Variants in HCN2 observed in about 807,000 individuals in gnomAD.
The protein encoded by HCN2 is potassium/sodium hyperpolarization-activated cyclic nucleotide-gated channel 2.
A neutral mutation model predicts 52.3 loss-of-function variants in HCN2; 20 were observed. That is an observed-to-expected ratio of 0.38 (90% CI 0.27 to 0.56). The LOEUF is 0.56. Ranked by LOEUF, HCN2 falls within the 20% of genes least tolerant of loss-of-function variation. The pLI, the probability that HCN2 is intolerant of heterozygous loss-of-function variation, is 0.71. For missense variants in HCN2, 981 were observed against 1,207.7 expected (o/e 0.81, Z 2.78); for synonymous variants, 694 against 537.0 (o/e 1.29, Z -4.04).
chr19:615,790 C>A lies in HCN2; in HGVS notation c.1991-5C>A, dbSNP rs377176350. 100 of 1,610,952 alleles carry A rather than the reference C, an allele frequency of 6.2e-5. No homozygotes were observed. The highest frequency in any genetic ancestry group is 7.7e-5 in the Non-Finnish European group (91 of 1,179,432). On this transcript the variant is annotated splice_polypyrimidine_tract_variant and splice_region_variant and intron_variant, in intron 7 of 7. Transcript: ENST00000251287. ...GTGCACACGCTAACGCCCCCTCTCC[C>A]GCAGGCAAGAAGAATTCCATCCTCC...
intron 5 of HCN2, among the ~76,000 whole-genome samples, chr19:612,022 G>A (rs1983657734): frequency 6.6e-6 from 1 of 152,088 alleles, no homozygotes; most frequent in Non-Finnish European, 1.5e-5. Flanking sequence ...GTGGGCGCCT[G>A]TAATCCCAGC....
rs114000885 is a variant in HCN2 at position 596,179 on chromosome 19, C to G, written c.632+5602C>G. Among the ~76,000 whole-genome samples the G allele has an allele frequency of 6.2e-3, 940 of 152,352 alleles. 13 individuals are homozygous for G. The highest frequency in any genetic ancestry group is 0.021 in the African/African-American group (884 of 41,578). On this transcript the variant is annotated intron_variant, in intron 1 of 7. Coordinates refer to ENST00000251287, the MANE Select transcript of HCN2 (RefSeq NM_001194.4). ...GGCTTTGGGAACTTCAGGGGAAGAA[C>G]CCTGAGCTCGGGGCAGGAGAATGAC...
chr19:603,639 C>G lies in HCN2; in HGVS notation c.728C>G (p.Pro243Arg). Residue 243 changes from proline (P) to arginine (R), a missense_variant, in exon 2 of 8, where the codon CCG becomes CGG. This residue lies in a region of HCN2 where 282 missense variants were observed against 553.8 expected (regional missense o/e 0.51). Transcript: ENST00000251287. Reference protein sequence around the residue: ...ITFFKDETTAPWIVFNVVSDT... With the variant: ...ITFFKDETTARWIVFNVVSDT... ...TTCTTCAAGGATGAGACCACTGCCC[C>G]GTGGATCGTGTTCAACGTGGTCTCG... 6.2e-7 allele frequency: 1 copy of G among 1,612,450 alleles called. No homozygotes were observed. The highest frequency in any genetic ancestry group is 8.5e-7 in the Non-Finnish European group (1 of 1,179,538).
intron 4 of HCN2, among the ~76,000 whole-genome samples, chr19:609,293 G>A (rs867712354): frequency 1.3e-5 from 2 of 152,202 alleles, no homozygotes; most frequent in South Asian, 4.1e-4. Flanking sequence ...TGGCACCCCC[G>A]CCCAGCACCC....
chr19:615,771 A>G, intron 7 of HCN2, 24 bp from the exon 8 acceptor site: 3 of 1,608,836 alleles, frequency 1.9e-6, no homozygotes, highest in Non-Finnish European at 2.5e-6. Flanking sequence ...CCCTGTGCAC[A>G]CGCTAACGCC....
At chr19:608,497 GC>G (rs1983499627) in intron 4 of HCN2, among the ~76,000 whole-genome samples, 2 of 152,114 alleles carry the variant, frequency 1.3e-5, no homozygotes, top group African/African-American at 4.8e-5. Context: ...GGGGTCTGTG[GC>G]TGTGATTAGG....
intron 1 of HCN2, among the ~76,000 whole-genome samples, chr19:596,656 G>A (rs958481242): frequency 2.6e-5 from 4 of 152,242 alleles, no homozygotes; most frequent in Non-Finnish European, 5.9e-5. Context: ...TGGACAAGGA[G>A]GGCACAGGGT....
chr19:605,351 T>TCCA, intron 3 of HCN2, 129 bp downstream of exon 3: 1 of 640,696 alleles, frequency 1.6e-6, no homozygotes, highest in Non-Finnish European at 2.4e-6. Context: ...AGGCGCCCCC[T>TCCA]TATGGAGGGG....
intron 7 of HCN2, among the ~76,000 whole-genome samples, chr19:615,069 T>C (rs150768642): frequency 6.6e-6 from 1 of 152,216 alleles, no homozygotes; most frequent in Non-Finnish European, 1.5e-5. Context: ...ATACAGCAGG[T>C]GCTCAGCACA....
chr19:590,450 G>T lies in HCN2; in HGVS notation c.505G>T (p.Ala169Ser), dbSNP rs1206593007. ...QASFMQRQFG[A>S]LLQPGVNKFS... ...CAGCTTCATGCAGCGCCAGTTCGGC[G>T]CGCTCCTGCAGCCGGGCGTCAACAA... is the stretch of plus-strand genomic sequence containing the variant. Residue 169 changes from alanine to serine, a missense_variant, in exon 1 of 8, where the codon GCG becomes TCG. Physicochemically the swap from Ala to Ser is moderately conservative, Grantham distance 99. Around this residue, in one of 6 missense-constraint regions of HCN2, gnomAD observed 8 missense variants for 33.2 expected, o/e 0.24. Transcript: ENST00000251287. This position sits in a 1 kb window ranked among gnomAD's most constrained non-coding sequence, Gnocchi z 7.2. 6.6e-7 allele frequency: 1 copy of T among 1,504,680 alleles called. No individual in the cohort carries two copies. The highest frequency in any genetic ancestry group is 8.9e-7 in the Non-Finnish European group (1 of 1,120,482). The allele number at this position is 1,504,680 out of a possible 1,614,324, so 93.2% of individuals were successfully genotyped here. A position where few individuals can be genotyped will look rare whatever the true frequency, so the allele number is the denominator to read the frequency against.
rs1357067884 is a variant in HCN2 at position 613,495 on chromosome 19, T to C, written c.1825+7T>C. On this transcript the variant is annotated splice_region_variant and intron_variant, in intron 6 of 7. Transcript: ENST00000251287. ...GATGGCTCCTACTTCGGGGGTGAGC[T>C]TGAGGGGGGCGCGCCTGGAGGGGGA... 1.3e-6 allele frequency: 2 copies of C among 1,516,426 alleles called. No homozygotes were observed. Among genetic ancestry groups the C allele is most frequent in the South Asian group, 1.1e-5 (1 of 88,564 alleles). The allele number at this position is 1,516,426 out of a possible 1,614,324, so 93.9% of individuals were successfully genotyped here. A position where few individuals can be genotyped will look rare whatever the true frequency, so the allele number is the denominator to read the frequency against.
intron 1 of HCN2, among the ~76,000 whole-genome samples, chr19:599,343 C>T (rs978427124): frequency 6.6e-5 from 10 of 152,208 alleles, no homozygotes; most frequent in African/African-American, 2.2e-4. Context: ...AAGGTCCCGG[C>T]GGCCACGCCA....
Position 590,043 on chromosome 19 carries a change from A to G in HCN2, c.98A>G (p.Gln33Arg). The change falls in exon 1 of 8, where the codon CAG (glutamine) becomes CGG (arginine). Residue 33 changes from glutamine (Q) to arginine (R), a missense_variant. Transcript: ENST00000251287. The surrounding 1 kb of genome is among the most constrained non-coding windows in gnomAD (Gnocchi z 7.2). ...PPPPPPAPPQ[Q>R]QPPPPPPPAP... ...CCGCCGCCGCCCGCGCCCCCCCAAC[A>G]GCAGCCGCCGCCGCCGCCGCCGCCC... is the stretch of plus-strand genomic sequence containing the variant. 1.9e-6 allele frequency: 1 copy of G among 525,778 alleles called. No homozygotes were observed. Among genetic ancestry groups the G allele is most frequent in the Non-Finnish European group, 2.3e-6 (1 of 428,338 alleles). The allele number at this position is 525,778 out of a possible 1,614,324, so 32.6% of individuals were successfully genotyped here. A position where few individuals can be genotyped will look rare whatever the true frequency, so the allele number is the denominator to read the frequency against.
At chr19:599,749 T>C (rs932500714) in intron 1 of HCN2, among the ~76,000 whole-genome samples, 17 of 151,728 alleles carry the variant, frequency 1.1e-4, no homozygotes, top group Non-Finnish European at 1.8e-4. Flanking sequence ...GATTGTGCCA[T>C]CGCACTCCAG....
Position 610,387 on chromosome 19 carries a change from C to T in HCN2, c.1566C>T (p.Leu522=), listed in dbSNP as rs1983575457. ...MFDEDSILGE[L]NGPLREEIVN... is the part of the protein sequence containing the mutation. The stretch of plus-strand genomic sequence containing the variant: ...ACGAGGACAGCATCCTGGGCGAGCT[C>T]AACGGGCCCCTGCGGGAGGTGAGGC... Residue 522 remains leucine, a synonymous_variant, in exon 5 of 8, where the codon CTC becomes CTT. Coordinates refer to ENST00000251287, the MANE Select transcript of HCN2 (RefSeq NM_001194.4). 6.2e-7 allele frequency: 1 copy of T among 1,613,332 alleles called. No individual in the cohort carries two copies. Among genetic ancestry groups the T allele is most frequent in the Non-Finnish European group, 8.5e-7 (1 of 1,179,674 alleles).
intron 5 of HCN2, 139 bp downstream of exon 5, chr19:610,544 A>AC: frequency 1.4e-6 from 1 of 708,612 alleles, no homozygotes. Flanking sequence ...ACCTGCGTAC[A>AC]CACCCTCCCC....
chr19:609,232 G>A (rs758691460), intron 4 of HCN2, among the ~76,000 whole-genome samples: 59 of 152,200 alleles, frequency 3.9e-4, no homozygotes, highest in African/African-American at 6.5e-4. Flanking sequence ...GGGCTGGGGC[G>A]GAAGTGAGGC....
rs1568368662 is a variant in HCN2 at position 613,608 on chromosome 19, CG to C, written c.1825+124del. 5.8e-5 allele frequency: 4 copies of C among 68,884 alleles called. No individual in the cohort carries two copies. In the East Asian group the frequency reaches 1.0e-3, roughly 17 times the overall value. The allele number at this position is 68,884 out of a possible 1,614,324, so 4.3% of individuals were successfully genotyped here. On this transcript the variant is annotated intron_variant, in intron 6 of 7. Transcript: ENST00000251287. ...ATGGGGATGGGGATGGGGATGGGGC[CG>C]GGGATGGGGATGGGGATGGGGATGG...
At position 589,932 on chromosome 19, in the gene HCN2, G is replaced by T; in HGVS notation, c.-14G>T. ...GCGGCGGCTCCGCTCCGCACTGCCC[G>T]GCGCCGCCTCGCCATGGACGCGCGC... On this transcript the variant is annotated 5_prime_UTR_variant, in exon 1 of 8. Transcript: ENST00000251287. The T allele has an allele frequency of 1.1e-6, 1 of 922,602 alleles. No homozygotes were observed. 57.2% of individuals were successfully genotyped at this position (922,602 alleles called of 1,614,324 possible). A position where few individuals can be genotyped will look rare whatever the true frequency, so the allele number is the denominator to read the frequency against.
Sources: allele counts gnomAD v4.1 joint callset (sites outside exome capture counted in the v4.1 genomes callset), GRCh38; gene constraint gnomAD v4.1.1; regional missense constraint gnomAD v4.1.1; non-coding constraint Gnocchi (gnomAD v3.1); transcripts MANE v1.5; gene names NCBI Gene and HGNC (gene_info 2026-07-23, HGNC 2026-07-21).